The following MYRIP variants were observed in gnomAD, a reference collection of about 807,000 sequenced individuals.
MYRIP encodes rab effector MyRIP.
A neutral mutation model predicts 98.0 loss-of-function variants in MYRIP; 49 were observed. That is an observed-to-expected ratio of 0.50 (90% confidence interval 0.40 to 0.63). The LOEUF is 0.63. Ranked by LOEUF, MYRIP falls within the 30% of genes least tolerant of loss-of-function variation. The pLI, the probability that MYRIP is intolerant of heterozygous loss-of-function variation, is 0.00. For synonymous variants in MYRIP, 404 were observed against 409.5 expected (o/e 0.99, Z 0.16); for missense variants, 1,004 against 1,058.2 (o/e 0.95, Z 0.71).
chr3:40,161,889 G>C (rs1483020663), intron 4 of MYRIP, among the ~76,000 whole-genome samples: 2 of 152,168 alleles, frequency 1.3e-5, no homozygotes, highest in African/African-American at 4.8e-5. Context: ...TCACATGGCT[G>C]TTGGGATAAA....
intron 10 of MYRIP, among the ~76,000 whole-genome samples, chr3:40,196,390 C>T (rs1408262935): frequency 6.6e-6 from 1 of 151,888 alleles, no homozygotes; most frequent in Non-Finnish European, 1.5e-5. Flanking sequence ...TTGTTTCCAC[C>T]CCACTAGCCT....
intron 3 of MYRIP, among the ~76,000 whole-genome samples, chr3:40,136,404 AAGAGACTT>A (rs1949771253): frequency 6.6e-6 from 1 of 152,172 alleles, no homozygotes; most frequent in African/African-American, 2.4e-5. Context: ...GAAACCTACA[AAGAGACTT>A]AGACTCCCAC....
chr3:39,861,793 A>G (rs931611044), intron 1 of MYRIP, among the ~76,000 whole-genome samples: 2 of 152,184 alleles, frequency 1.3e-5, no homozygotes, highest in Non-Finnish European at 2.9e-5. Flanking sequence ...AAAGTAAAGG[A>G]AAAAACAATA....
In MYRIP at chr3:40,244,621, T is replaced by C; in HGVS notation, c.2262+14T>C. ...GCTGAACTCCAGGTGAGAACTCTCCTCTCTGCCCACATGGGTCCTGCAGGG... is the reference window on the plus strand; with the variant it reads ...GCTGAACTCCAGGTGAGAACTCTCCCCTCTGCCCACATGGGTCCTGCAGGG... On this transcript the variant is annotated intron_variant, in intron 13 of 16. Transcript: ENST00000302541. 1 of 1,604,542 alleles carries C rather than the reference T, an allele frequency of 6.2e-7. No homozygotes were observed. The highest frequency in any genetic ancestry group is 1.3e-5 in the African/African-American group (1 of 74,674).
At chr3:39,818,703 A>T (rs988929952) in intron 1 of MYRIP, among the ~76,000 whole-genome samples, 4 of 152,190 alleles carry the variant, frequency 2.6e-5, no homozygotes, top group African/African-American at 7.2e-5. Context: ...CTTGAAATTT[A>T]TTTATGCACA....
At chr3:39,854,874 T>C (rs1942240060) in intron 1 of MYRIP, among the ~76,000 whole-genome samples, 1 of 152,068 alleles carries the variant, frequency 6.6e-6, no homozygotes, top group Non-Finnish European at 1.5e-5. Context: ...AGGGGTGGGG[T>C]TTCCTGAGAC....
intron 12 of MYRIP, among the ~76,000 whole-genome samples, chr3:40,237,738 G>A (rs1287615880): frequency 6.6e-6 from 1 of 152,084 alleles, no homozygotes; most frequent in Non-Finnish European, 1.5e-5. Flanking sequence ...CCCTGATCCT[G>A]GGCACACACA....
At chr3:39,865,054 A>G (rs1942581943) in intron 1 of MYRIP, among the ~76,000 whole-genome samples, 1 of 152,212 alleles carries the variant, frequency 6.6e-6, no homozygotes, top group Non-Finnish European at 1.5e-5. Context: ...CCATGGAGAA[A>G]GAACTCCCTA....
At chr3:40,111,677 G>A (rs994391244) in intron 3 of MYRIP, among the ~76,000 whole-genome samples, 9 of 151,948 alleles carry the variant, frequency 5.9e-5, no homozygotes, top group Admixed American at 5.9e-4. Context: ...TGAGTCCCCA[G>A]TCCACACCTC....
chr3:39,816,543 G>A (rs1940923216), intron 1 of MYRIP, among the ~76,000 whole-genome samples: 1 of 152,132 alleles, frequency 6.6e-6, no homozygotes, highest in South Asian at 2.1e-4. Context: ...TCTGAACAGT[G>A]CCTGGCACTT....
intron 2 of MYRIP, among the ~76,000 whole-genome samples, chr3:40,008,466 C>A (rs1946682278): frequency 6.6e-6 from 1 of 152,160 alleles, no homozygotes; most frequent in Admixed American, 6.5e-5. Flanking sequence ...GGGTATTTCT[C>A]TGGCTTAGCC....
chr3:40,254,967 G>A (rs1953526948), intron 16 of MYRIP, among the ~76,000 whole-genome samples: 1 of 152,086 alleles, frequency 6.6e-6, no homozygotes, highest in South Asian at 2.1e-4. Context: ...CATTGTCCCT[G>A]TCTCATGAGG....
chr3:39,821,139 A>G (rs907757172), intron 1 of MYRIP, among the ~76,000 whole-genome samples: 9 of 152,214 alleles, frequency 5.9e-5, no homozygotes, highest in African/African-American at 2.2e-4. Flanking sequence ...AAAAAGTGGG[A>G]TCATGGGATG....
At chr3:39,963,377 T>A (rs1345671851) in intron 2 of MYRIP, among the ~76,000 whole-genome samples, 1 of 152,152 alleles carries the variant, frequency 6.6e-6, no homozygotes, top group Non-Finnish European at 1.5e-5. Flanking sequence ...GTTAAGCCTA[T>A]CTAATCTCTT....
At chr3:40,109,818 C>T (rs1949122385) in intron 3 of MYRIP, among the ~76,000 whole-genome samples, 1 of 152,234 alleles carries the variant, frequency 6.6e-6, no homozygotes, top group Non-Finnish European at 1.5e-5. Flanking sequence ...ATGCATTTGA[C>T]ACTGATAAAT....
chr3:39,957,480 C>G lies in MYRIP; in HGVS notation c.110+56554C>G, dbSNP rs556601001. On this transcript the variant is annotated intron_variant, in intron 2 of 16. Coordinates refer to ENST00000302541, the MANE Select transcript of MYRIP (RefSeq NM_015460.4). ...AAGGCCTTCGAAAAAATTCAACAGC[C>G]CTTCATGCTAAAAACTCTCAATAAA... Among the ~76,000 whole-genome samples the G allele has an allele frequency of 1.1e-4, 16 of 152,160 alleles. No homozygotes were observed. The East Asian group carries it at 2.3e-3, about 22-fold the overall frequency.
chr3:39,860,182 G>T lies in MYRIP; in HGVS notation c.-30-40605G>T, dbSNP rs998051719. Among the ~76,000 whole-genome samples the T allele has an allele frequency of 2.6e-5, 4 of 152,138 alleles. No individual in the cohort carries two copies. The South Asian group carries it at 8.3e-4, about 32-fold the overall frequency. On this transcript the variant is annotated intron_variant, in intron 1 of 16. Coordinates refer to ENST00000302541, the MANE Select transcript of MYRIP (RefSeq NM_015460.4). ...AACTATACACTGGAACTCATTCCTG[G>T]TCCTGAATGACTCCTGGGGAAGGTG...
intron 2 of MYRIP, among the ~76,000 whole-genome samples, chr3:40,037,568 C>T (rs958421819): frequency 6.6e-6 from 1 of 151,958 alleles, no homozygotes; most frequent in African/African-American, 2.4e-5. Context: ...GGATACATAT[C>T]CCCCTATAAA....
intron 3 of MYRIP, among the ~76,000 whole-genome samples, chr3:40,148,176 AT>A (rs879609019): frequency 1.3e-5 from 2 of 152,026 alleles, no homozygotes; most frequent in South Asian, 2.1e-4. Context: ...GCAAAGTATT[AT>A]TTTTTTCTGT....
Sources: allele counts gnomAD v4.1 joint callset (sites outside exome capture counted in the v4.1 genomes callset), GRCh38; gene constraint gnomAD v4.1.1; transcripts MANE v1.5; gene names NCBI Gene and HGNC (gene_info 2026-07-23, HGNC 2026-07-21).